The following WDPCP variants were observed in gnomAD, a reference collection of about 807,000 sequenced individuals.
The protein encoded by WDPCP is WD repeat containing planar cell polarity effector, also known as WD repeat-containing and planar cell polarity effector protein fritz homolog.
A neutral mutation model predicts 93.1 loss-of-function variants in WDPCP; 71 were observed. That is an observed-to-expected ratio of 0.76 (90% CI 0.63 to 0.93). WDPCP has a LOEUF of 0.93. Among genes scored for constraint, WDPCP ranks in the 40% least tolerant of loss-of-function variants. The probability of loss-of-function intolerance (pLI) is 0.00; values close to 1 mark genes in which losing one functional copy is unlikely to be tolerated. For synonymous variants in WDPCP, 315 were observed against 315.0 expected, an observed-to-expected ratio of 1.00 and a Z score of 0.00; for missense variants, 844 against 887.4, an observed-to-expected ratio of 0.95 and a Z score of 0.62.
chr2:63,591,194 C>A (rs1472577805), upstream of WDPCP, among the ~76,000 whole-genome samples: 1 of 152,202 alleles, frequency 6.6e-6, no homozygotes, highest in Non-Finnish European at 1.5e-5. Context: ...GCCCAGATAT[C>A]TGAGCAAAGA....
chr2:63,623,977 A>T (rs1709778808), intron 3 of WDPCP, among the ~76,000 whole-genome samples: 1 of 152,224 alleles, frequency 6.6e-6, no homozygotes, highest in Non-Finnish European at 1.5e-5. Flanking sequence ...AAATCATAAC[A>T]AACAGTCACT....
intron 3 of WDPCP, among the ~76,000 whole-genome samples, chr2:63,624,682 G>T (rs932203284): frequency 1.3e-5 from 2 of 151,998 alleles, no homozygotes; most frequent in African/African-American, 2.4e-5. Context: ...ATTCAGTCAG[G>T]AATTAATAGC....
chr2:63,699,317 A>C (rs777085491), intron 2 of WDPCP, among the ~76,000 whole-genome samples: 1 of 152,198 alleles, frequency 6.6e-6, no homozygotes, highest in African/African-American at 2.4e-5. Flanking sequence ...AATTATTCAA[A>C]ATGTCCTCGT....
In WDPCP at chr2:63,706,600, C is replaced by CTTT. The variant is rs896018299; in HGVS notation, n.309-55765_309-55763dup. Reference sequence around the variant, plus strand: ...GAAATTCTGGGTTGAAAATTCTTTTCTTTTTTTTTTTTTTTTTTTTTTTTT... The same window carrying CTTT: ...GAAATTCTGGGTTGAAAATTCTTTTCTTTTTTTTTTTTTTTTTTTTTTTTTTTT... On this transcript the variant is annotated intron_variant and non_coding_transcript_variant, in intron 2 of 4. Coordinates refer to the WDPCP transcript ENST00000467687. Among the ~76,000 whole-genome samples the CTTT allele has an allele frequency of 8.4e-4, 52 of 61,698 alleles. 2 individuals carry two copies. Among genetic ancestry groups the CTTT allele is most frequent in the Non-Finnish European group, 1.2e-3 (35 of 29,222 alleles). 40.5% of individuals were successfully genotyped at this position (61,698 alleles called of 152,430 possible).
intron 17 of WDPCP, among the ~76,000 whole-genome samples, chr2:63,145,407 ACT>A (rs1275058601): frequency 6.6e-6 from 1 of 150,762 alleles, no homozygotes; most frequent in Non-Finnish European, 1.5e-5. Context: ...CTGAGCTCAG[ACT>A]CTCCTTGGGC....
chr2:63,391,940 C>T (rs555390466), intron 10 of WDPCP, among the ~76,000 whole-genome samples: 10 of 151,492 alleles, frequency 6.6e-5, no homozygotes, highest in African/African-American at 9.7e-5. Flanking sequence ...GAATCAATAT[C>T]GTGAAAATGG....
chr2:63,684,432 T>C, intron 2 of WDPCP: 1 of 843,998 alleles, frequency 1.2e-6, no homozygotes, highest in Non-Finnish European at 2.0e-6. Context: ...CCACCTCTGG[T>C]GGCTGGAATT....
intron 2 of WDPCP, among the ~76,000 whole-genome samples, chr2:63,704,466 C>T (rs946910787): frequency 6.6e-6 from 1 of 152,112 alleles, no homozygotes; most frequent in Admixed American, 6.6e-5. Flanking sequence ...TTTTGAGATA[C>T]GTCCCATCAA....
chr2:63,641,681 T>C (rs1709981949), intron 3 of WDPCP, among the ~76,000 whole-genome samples: 1 of 152,182 alleles, frequency 6.6e-6, no homozygotes. Flanking sequence ...TCCTTACTTA[T>C]TCTGGTTATT....
At chr2:63,246,713 A>G (rs536648701) in intron 14 of WDPCP, among the ~76,000 whole-genome samples, 1 of 152,182 alleles carries the variant, frequency 6.6e-6, no homozygotes, top group Non-Finnish European at 1.5e-5. Flanking sequence ...CAAGGTGGTG[A>G]CTTTGAAGGA....
At chr2:63,721,864 C>G (rs778343346) in intron 2 of WDPCP, among the ~76,000 whole-genome samples, 1 of 152,190 alleles carries the variant, frequency 6.6e-6, no homozygotes, top group Admixed American at 6.5e-5. Context: ...CTCAGCCTGC[C>G]GAGTGCCTGC....
At chr2:63,663,605 G>A (rs1045681485) in intron 2 of WDPCP, among the ~76,000 whole-genome samples, 6 of 152,114 alleles carry the variant, frequency 3.9e-5, no homozygotes, top group Non-Finnish European at 1.5e-5. Context: ...GGACATGGAG[G>A]ATTTAAGATT....
At chr2:63,549,946 C>T (rs1222449803) in intron 1 of WDPCP, among the ~76,000 whole-genome samples, 2 of 151,784 alleles carry the variant, frequency 1.3e-5, no homozygotes, top group Non-Finnish European at 2.9e-5. Context: ...TGCTCACTCC[C>T]TCTCTTTCCT....
intron 3 of WDPCP, among the ~76,000 whole-genome samples, chr2:63,634,703 A>G (rs1337501022): frequency 1.3e-5 from 2 of 152,198 alleles, no homozygotes; most frequent in Non-Finnish European, 2.9e-5. Flanking sequence ...AGAACAATCA[A>G]TGGATAAAAG....
chr2:63,672,091 G>T (rs926792349), intron 2 of WDPCP, among the ~76,000 whole-genome samples: 1 of 152,048 alleles, frequency 6.6e-6, no homozygotes, highest in African/African-American at 2.4e-5. Context: ...CATTATAGGG[G>T]GTCTAACCTA....
chr2:63,392,645 A>C (rs2105038697), intron 10 of WDPCP, among the ~76,000 whole-genome samples: 1 of 152,320 alleles, frequency 6.6e-6, no homozygotes, highest in South Asian at 2.1e-4. Flanking sequence ...CATCTGACAA[A>C]GGGCTAATAT....
intron 3 of WDPCP, among the ~76,000 whole-genome samples, chr2:63,628,598 G>A (rs186885760): frequency 1.3e-5 from 2 of 152,318 alleles, no homozygotes; most frequent in Admixed American, 1.3e-4. Context: ...TCTGTTCTAT[G>A]AGGAAATTCA....
intron 1 of WDPCP, among the ~76,000 whole-genome samples, chr2:63,575,458 A>AGC (rs1558832737): frequency 2.1e-4 from 8 of 37,742 alleles, no homozygotes; most frequent in African/African-American, 3.0e-4. Flanking sequence ...CTGTATATAC[A>AGC]GTATATATGC....
intron 3 of WDPCP, among the ~76,000 whole-genome samples, chr2:63,627,549 A>G (rs1558870232): frequency 6.6e-6 from 1 of 152,040 alleles, no homozygotes; most frequent in Non-Finnish European, 1.5e-5. Context: ...CCTGCCCCCC[A>G]TCTTGTACCC....
Sources: allele counts gnomAD v4.1 joint callset (sites outside exome capture counted in the v4.1 genomes callset), GRCh38; gene constraint gnomAD v4.1.1; transcripts MANE v1.5; gene names NCBI Gene and HGNC (gene_info 2026-07-23, HGNC 2026-07-21).